MSI2: variants seen among roughly 807,000 people sequenced by gnomAD.
MSI2 encodes RNA-binding protein Musashi homolog 2.
MSI2 carries 17 observed loss-of-function variants against 45.6 expected under a neutral mutation model. The ratio of observed to expected loss-of-function variants is 0.37; its 90% CI spans 0.26 to 0.56. MSI2 has a LOEUF of 0.56. MSI2 is among the 20% of genes least tolerant of loss of function. The probability of loss-of-function intolerance (pLI) is 0.77; values close to 1 mark genes in which losing one functional copy is unlikely to be tolerated. For synonymous variants in MSI2, 156 were observed against 158.2 expected (o/e 0.99, Z 0.11); for missense variants, 293 against 444.2 (o/e 0.66, Z 3.06).
chr17:57,698,470 T>C, the MSI2 span, among the ~76,000 whole-genome samples: 10 of 152,168 alleles, frequency 6.6e-5, no homozygotes, highest in Non-Finnish European at 1.0e-4. Context: ...TTTCCTCAGC[T>C]CCCAGGACAC....
intron 7 of MSI2, among the ~76,000 whole-genome samples, chr17:57,566,657 T>G (rs1275518154): frequency 6.6e-6 from 1 of 152,206 alleles, no homozygotes; most frequent in Non-Finnish European, 1.5e-5. Flanking sequence ...GTGGTTTTAT[T>G]CACTCAGTAA....
intron 10 of MSI2, among the ~76,000 whole-genome samples, chr17:57,636,309 C>A (rs918562868): frequency 1.3e-5 from 2 of 152,204 alleles, no homozygotes; most frequent in Non-Finnish European, 2.9e-5. Context: ...CTGTCACTCA[C>A]CTGCCAGATC....
intron 10 of MSI2, among the ~76,000 whole-genome samples, chr17:57,640,862 T>C (rs1910194155): frequency 6.6e-6 from 1 of 152,230 alleles, no homozygotes; most frequent in African/African-American, 2.4e-5. Context: ...TGCTGTTGTG[T>C]TATCATTAGT....
chr17:57,592,944 ATGGCC>A (rs1904968386), intron 7 of MSI2, among the ~76,000 whole-genome samples: 1 of 152,160 alleles, frequency 6.6e-6, no homozygotes, highest in Non-Finnish European at 1.5e-5. Flanking sequence ...AGCAGCTTCC[ATGGCC>A]GGGAACTCAG....
chr17:57,699,148 GGAGAGAGAGAGA>G, the MSI2 span, among the ~76,000 whole-genome samples: 1 of 21,182 alleles, frequency 4.7e-5, no homozygotes, highest in Non-Finnish European at 7.7e-5. Context: ...GAAGAGGCGA[GGAGAGAGAGAGA>G]GAGAGAGAGA....
intron 6 of MSI2, among the ~76,000 whole-genome samples, chr17:57,483,412 T>G (rs1409740202): frequency 6.6e-6 from 1 of 152,212 alleles, no homozygotes; most frequent in Non-Finnish European, 1.5e-5. Flanking sequence ...TGCATCCGAA[T>G]CACCTCTGGG....
intron 6 of MSI2, among the ~76,000 whole-genome samples, chr17:57,502,655 C>T (rs987651239): frequency 9.7e-6 from 1 of 102,920 alleles, no homozygotes; most frequent in Non-Finnish European, 2.0e-5. Context: ...TTCTGTCATG[C>T]AGGAAGGTCT....
chr17:57,289,268 G>C (rs1050305014), intron 5 of MSI2, among the ~76,000 whole-genome samples: 6 of 152,118 alleles, frequency 3.9e-5, no homozygotes, highest in Admixed American at 3.9e-4. Flanking sequence ...ACCCAGGCCA[G>C]CATCTCTATA....
chr17:57,623,197 A>T (rs571317671), intron 9 of MSI2, among the ~76,000 whole-genome samples: 30 of 152,240 alleles, frequency 2.0e-4, no homozygotes, highest in Admixed American at 2.0e-3. Context: ...TGCAGACCTC[A>T]TGGAGCCGAT....
chr17:57,390,009 AG>A (rs2083757782), intron 5 of MSI2, among the ~76,000 whole-genome samples: 1 of 151,138 alleles, frequency 6.6e-6, no homozygotes, highest in Admixed American at 6.6e-5. Flanking sequence ...AAGCTGAGGC[AG>A]GAGGATCACT....
chr17:57,652,863 G>C lies in MSI2; in HGVS notation c.790+702G>C, dbSNP rs62058130. Among the ~76,000 whole-genome samples, 37,855 of 152,168 alleles carry C rather than the reference G, an allele frequency of 0.25. 5,097 individuals carry two copies. Among genetic ancestry groups the C allele is most frequent in the East Asian group, 0.43 (2,222 of 5,166 alleles). On this transcript the variant is annotated intron_variant, in intron 11 of 13. Coordinates refer to ENST00000284073, the MANE Select transcript of MSI2 (RefSeq NM_138962.4). This position sits in a 1 kb window ranked among gnomAD's most constrained non-coding sequence, Gnocchi z 4.1. The stretch of plus-strand genomic sequence containing the variant: ...TTTCCCAGCATTATCATGGGGTCAG[G>C]CCAGAGCTGGGATATGTCCAGGGTG...
chr17:57,269,702 C>T (rs937831843), intron 5 of MSI2, among the ~76,000 whole-genome samples: 2 of 152,222 alleles, frequency 1.3e-5, no homozygotes, highest in African/African-American at 4.8e-5. Context: ...ATCGTGACCT[C>T]ACCATGTGTA....
chr17:57,457,903 C>T (rs77250374), intron 6 of MSI2, among the ~76,000 whole-genome samples: 5,428 of 151,558 alleles, frequency 0.036, 315 homozygotes, highest in African/African-American at 0.12. Flanking sequence ...CGTGAGACCT[C>T]GTCTTTAAAA....
At chr17:57,636,055 C>T (rs933921066) in intron 10 of MSI2, among the ~76,000 whole-genome samples, 5 of 152,056 alleles carry the variant, frequency 3.3e-5, no homozygotes, top group South Asian at 4.1e-4. Context: ...ATATCCTGTT[C>T]CTCTGGAGGG....
chr17:57,554,677 A>G (rs1453925071), intron 7 of MSI2, among the ~76,000 whole-genome samples: 1 of 152,188 alleles, frequency 6.6e-6, no homozygotes, highest in Non-Finnish European at 1.5e-5. Context: ...GCTTTATCTC[A>G]TTTCACCTTC....
intron 5 of MSI2, chr17:57,278,813 AGCTGTTTATCATGAT>A (rs1315958651): frequency 3.9e-5 from 6 of 152,258 alleles, no homozygotes; most frequent in African/African-American, 1.4e-4. Flanking sequence ...TGCATGCATT[AGCTGTTTATCATGAT>A]GCTGTCCCTC....
intron 6 of MSI2, among the ~76,000 whole-genome samples, chr17:57,432,067 G>A (rs949481271): frequency 3.3e-5 from 5 of 151,960 alleles, no homozygotes; most frequent in South Asian, 4.2e-4. Flanking sequence ...TATTAATCAC[G>A]CCGAGTTGTG....
At chr17:57,459,719 G>T (rs2085186504) in intron 6 of MSI2, among the ~76,000 whole-genome samples, 1 of 152,130 alleles carries the variant, frequency 6.6e-6, no homozygotes, top group Non-Finnish European at 1.5e-5. Flanking sequence ...GGCCGGGTGT[G>T]GTGGTGACTC....
intron 5 of MSI2, among the ~76,000 whole-genome samples, chr17:57,277,586 A>G (rs1386261049): frequency 1.3e-5 from 2 of 152,250 alleles, no homozygotes; most frequent in Non-Finnish European, 2.9e-5. Flanking sequence ...AGTGCTGATT[A>G]GGGCTTAAGA....
Sources: gnomAD v4.1 joint callset for allele counts (sites outside exome capture counted in the v4.1 genomes callset) on GRCh38, gnomAD v4.1.1 for gene constraint, Gnocchi (gnomAD v3.1) non-coding constraint, MANE v1.5 for transcripts, NCBI Gene and HGNC (gene_info 2026-07-23, HGNC 2026-07-21) for gene names.